The following ZSCAN5A variants were observed in gnomAD, a reference collection of about 807,000 sequenced individuals.
ZSCAN5A encodes the protein zinc finger and SCAN domain-containing protein 5A.
ZSCAN5A carries 12 observed loss-of-function variants against 23.7 expected under a neutral mutation model. The ratio of observed to expected loss-of-function variants is 0.51; its 90% CI spans 0.32 to 0.82. The LOEUF (loss-of-function observed/expected upper bound fraction) is 0.82, where lower values mean the gene tolerates loss of function less well. Ranked by LOEUF, ZSCAN5A falls within the 40% of genes least tolerant of loss-of-function variation. The pLI is 0.03. For missense variants in ZSCAN5A, 597 were observed against 617.9 expected (o/e 0.97, Z 0.36); for synonymous variants, 257 against 239.9 (o/e 1.07, Z -0.66).
intron 2 of ZSCAN5A, among the ~76,000 whole-genome samples, chr19:56,332,537 G>T (rs114966293): frequency 6.6e-6 from 1 of 152,028 alleles, no homozygotes; most frequent in South Asian, 2.1e-4. Flanking sequence ...ACTTTGAGCC[G>T]TATGGGTGTT....
chr19:56,322,130 A>G (rs958702406), intron 2 of ZSCAN5A: 3 of 766,096 alleles, frequency 3.9e-6, no homozygotes, highest in African/African-American at 3.4e-5. Flanking sequence ...CAAAGTCAGT[A>G]GCTGAGCGTC....
rs1599955983 is a variant in ZSCAN5A at position 56,221,473 on chromosome 19, T to C, written c.*102A>G. The C allele has an allele frequency of 8.5e-6, 12 of 1,414,948 alleles. No individual in the cohort carries two copies. In the African/African-American group the frequency reaches 1.0e-4, roughly 12 times the overall value. 87.6% of individuals were successfully genotyped at this position (1,414,948 alleles called of 1,614,324 possible). A position where few individuals can be genotyped will look rare whatever the true frequency, so the allele number is the denominator to read the frequency against. On this transcript the variant is annotated 3_prime_UTR_variant, in exon 6 of 6. Coordinates refer to ENST00000683990, the MANE Select transcript of ZSCAN5A (RefSeq NM_001322064.3). ...ATTCATATCTAGGGCACTCCCTCTG[T>C]GTGTCAGACGCCCTTGCATGTGTCA...
intron 2 of ZSCAN5A, among the ~76,000 whole-genome samples, chr19:56,241,760 T>G (rs1431986274): frequency 1.3e-5 from 2 of 152,226 alleles, no homozygotes; most frequent in African/African-American, 2.4e-5. Flanking sequence ...TAACCACCAT[T>G]CTACTCACTG....
chr19:56,244,109 C>CTA, intron 2 of ZSCAN5A: 1 of 1,527,776 alleles, frequency 6.5e-7, no homozygotes, highest in South Asian at 1.1e-5. Flanking sequence ...GTCAGAGCCG[C>CTA]CACAGTCTGT....
intron 2 of ZSCAN5A, chr19:56,319,882 T>C (rs2041357076): frequency 8.1e-6 from 7 of 860,566 alleles, no homozygotes; most frequent in Middle Eastern, 2.2e-4. Context: ...CCCTTCCTTT[T>C]TGAATAGCAC....
chr19:56,273,527 G>A (rs941537726), intron 2 of ZSCAN5A, among the ~76,000 whole-genome samples: 27 of 152,132 alleles, frequency 1.8e-4, no homozygotes, highest in African/African-American at 5.3e-4. Context: ...GTGGGGATTC[G>A]GAGATGGCCT....
chr19:56,230,962 T>C (rs2034412356), intron 2 of ZSCAN5A, among the ~76,000 whole-genome samples: 1 of 152,154 alleles, frequency 6.6e-6, no homozygotes, highest in African/African-American at 2.4e-5. Context: ...ACAATCAGAA[T>C]GGTGTGTGAA....
At chr19:56,231,577 A>G (rs2034466788) in intron 2 of ZSCAN5A, among the ~76,000 whole-genome samples, 1 of 152,132 alleles carries the variant, frequency 6.6e-6, no homozygotes, top group African/African-American at 2.4e-5. Context: ...TTGATGTGCA[A>G]TCCACAAGAT....
chr19:56,360,580 G>C (rs2041727985), intron 2 of ZSCAN5A, among the ~76,000 whole-genome samples: 1 of 151,978 alleles, frequency 6.6e-6, no homozygotes, highest in Admixed American at 6.6e-5. Context: ...ACCAGCAATG[G>C]GGAAAGGATT....
chr19:56,248,334 C>T (rs2036099423), intron 2 of ZSCAN5A, among the ~76,000 whole-genome samples: 2 of 152,092 alleles, frequency 1.3e-5, no homozygotes, highest in East Asian at 1.9e-4. Flanking sequence ...AATCACAGCT[C>T]ACTGCAGACC....
chr19:56,225,719 T>G (rs987524041), intron 2 of ZSCAN5A, among the ~76,000 whole-genome samples: 2 of 152,202 alleles, frequency 1.3e-5, no homozygotes, highest in African/African-American at 4.8e-5. Context: ...AATTTCATCA[T>G]TTTTTACTCT....
At chr19:56,245,917 C>G (rs962400868) in intron 2 of ZSCAN5A, among the ~76,000 whole-genome samples, 25 of 152,054 alleles carry the variant, frequency 1.6e-4, no homozygotes, top group Non-Finnish European at 2.9e-4. Context: ...GAGGCGGGGT[C>G]TCTGCTCTGC....
chr19:56,232,069 C>A (rs1002378962), intron 2 of ZSCAN5A, among the ~76,000 whole-genome samples: 3 of 146,082 alleles, frequency 2.1e-5, no homozygotes, highest in Non-Finnish European at 4.5e-5. Context: ...CTCACTGCAG[C>A]CTCAACTTCT....
At chr19:56,321,231 G>A in intron 2 of ZSCAN5A, 1 of 670,416 alleles carries the variant, frequency 1.5e-6, no homozygotes, top group Non-Finnish European at 2.8e-6. Context: ...TGGATGGTGT[G>A]TAATATCAGT....
chr19:56,361,024 G>GCTGAGGCA (rs1600303817), intron 2 of ZSCAN5A, among the ~76,000 whole-genome samples: 1 of 152,122 alleles, frequency 6.6e-6, no homozygotes, highest in Non-Finnish European at 1.5e-5. Flanking sequence ...AATGGGCAAA[G>GCTGAGGCA]GACATGAACA....
intron 2 of ZSCAN5A, among the ~76,000 whole-genome samples, chr19:56,253,380 C>T (rs1243244403): frequency 1.3e-5 from 2 of 151,934 alleles, no homozygotes; most frequent in Non-Finnish European, 2.9e-5. Flanking sequence ...TTTGTGGACC[C>T]CAAGAATATA....
In ZSCAN5A at chr19:56,352,410, G is replaced by C. The variant is rs2041673311; in HGVS notation, c.-358+10825C>G. Among the ~76,000 whole-genome samples, 1 of 152,184 alleles carries C rather than the reference G, an allele frequency of 6.6e-6. No individual in the cohort carries two copies. The highest frequency in any genetic ancestry group is 6.5e-5 in the Admixed American group (1 of 15,278). On this transcript the variant is annotated intron_variant, in intron 2 of 6. Transcript: ENST00000587340. The surrounding 1 kb of genome is among the most constrained non-coding windows in gnomAD (Gnocchi z 4.2). ...CAGATTTAAGTGATCATGCAGGATG[G>C]TTAGAAGGGACTGATTATTGAAAGA...
Position 56,224,915 on chromosome 19 carries a change from G to C in ZSCAN5A, c.132C>G (p.His44Gln). Residue 44 changes from histidine (H) to glutamine (Q), a missense_variant, in exon 3 of 6, where the codon CAC becomes CAG. Around this residue, in one of 5 missense-constraint regions of ZSCAN5A, gnomAD observed 72 missense variants for 76.8 expected, o/e 0.94. Transcript: ENST00000683990. ...GNHDVDPEISHVNFRMFSCPK... is the reference protein window; with the variant it reads ...GNHDVDPEISQVNFRMFSCPK... ...GGCAGCTGAACATCCTGAAGTTCACGTGAGAAATCTCAGGGTCCACGTCGT... is the reference window on the plus strand; with the variant it reads ...GGCAGCTGAACATCCTGAAGTTCACCTGAGAAATCTCAGGGTCCACGTCGT... The C allele has an allele frequency of 6.2e-7, 1 of 1,614,188 alleles. No individual in the cohort carries two copies. Among genetic ancestry groups the C allele is most frequent in the Non-Finnish European group, 8.5e-7 (1 of 1,180,036 alleles).
chr19:56,290,803 A>G (rs560795807), intron 2 of ZSCAN5A, among the ~76,000 whole-genome samples: 9 of 152,190 alleles, frequency 5.9e-5, no homozygotes, highest in African/African-American at 2.2e-4. Flanking sequence ...TCTTCTCCAC[A>G]CTGACTCCCC....
Sources: gnomAD v4.1 joint callset for allele counts (sites outside exome capture counted in the v4.1 genomes callset) on GRCh38, gnomAD v4.1.1 for gene constraint, gnomAD v4.1.1 regional missense constraint, Gnocchi (gnomAD v3.1) non-coding constraint, MANE v1.5 for transcripts, NCBI Gene and HGNC (gene_info 2026-07-23, HGNC 2026-07-21) for gene names.